Variants in PKHD1 observed in about 807,000 individuals in gnomAD.
PKHD1 encodes the protein PKHD1 ciliary IPT domain containing fibrocystin/polyductin.
PKHD1 carries 291 observed loss-of-function variants against 412.0 expected under a neutral mutation model. The observed-to-expected ratio is 0.71, with a 90% CI of 0.64 to 0.78. The LOEUF (loss-of-function observed/expected upper bound fraction) is 0.78, where lower values mean the gene tolerates loss of function less well. Ranked by LOEUF, PKHD1 falls within the 30% of genes least tolerant of loss-of-function variation. PKHD1 has a pLI of 0.00. For synonymous variants in PKHD1, 1,777 were observed against 1,821.5 expected, an observed-to-expected ratio of 0.98 and a Z score of 0.62; for missense variants, 4,825 against 4,950.7, an observed-to-expected ratio of 0.97 and a Z score of 0.76.
intron 8 of PKHD1, among the ~76,000 whole-genome samples, chr6:52,071,356 T>C (rs974642130): frequency 6.6e-6 from 1 of 151,836 alleles, no homozygotes. Context: ...ATGACAAGTA[T>C]AACAAAACCT....
chr6:52,079,779 T>G, intron 5 of PKHD1, 121 bp downstream of exon 5: 1 of 768,502 alleles, frequency 1.3e-6, no homozygotes, highest in Non-Finnish European at 2.4e-6. Flanking sequence ...GTCATTACCA[T>G]CCACCATTTT....
chr6:51,739,491 A>G (rs1784291695), intron 60 of PKHD1, among the ~76,000 whole-genome samples: 1 of 152,118 alleles, frequency 6.6e-6, no homozygotes, highest in Non-Finnish European at 1.5e-5. Flanking sequence ...TCAGCCTCCC[A>G]AAGTGCTAGG....
intron 61 of PKHD1, among the ~76,000 whole-genome samples, chr6:51,657,058 A>G (rs1194279912): frequency 6.6e-6 from 1 of 151,842 alleles, no homozygotes; most frequent in Non-Finnish European, 1.5e-5. Context: ...AATTAACGAG[A>G]GCAAACCACT....
intron 52 of PKHD1, 56 bp downstream of exon 52, chr6:51,830,805 C>T: frequency 3.3e-6 from 5 of 1,514,370 alleles, no homozygotes; most frequent in Non-Finnish European, 4.6e-6. Flanking sequence ...GAAACATAAT[C>T]AGATCTGGCT....
At chr6:51,661,980 T>C (rs1430649246) in intron 60 of PKHD1, among the ~76,000 whole-genome samples, 1 of 152,184 alleles carries the variant, frequency 6.6e-6, no homozygotes, top group South Asian at 2.1e-4. Flanking sequence ...TAAATTTAAC[T>C]ACCAAATTGT....
intron 57 of PKHD1, among the ~76,000 whole-genome samples, chr6:51,752,479 C>T (rs76357250): frequency 0.047 from 7,112 of 152,242 alleles, 223 homozygotes; most frequent in Middle Eastern, 0.11. Flanking sequence ...CAAACACTGC[C>T]CTTTACAAAA....
At chr6:51,620,325 C>T (rs1304332899) in intron 66 of PKHD1, among the ~76,000 whole-genome samples, 3 of 152,084 alleles carry the variant, frequency 2.0e-5, no homozygotes, top group African/African-American at 4.8e-5. Context: ...TATACATAAA[C>T]AGATGATCTA....
At position 51,979,569 on chromosome 6, in the gene PKHD1, C is replaced by T. The variant is rs971708531; in HGVS notation, c.5752-19543G>A. ...TCTCTCTCTCCTCCTCCTCTCCCCC[C>T]AACACATAGTCACCCACACATACAG... is the stretch of plus-strand genomic sequence containing the variant. On this transcript the variant is annotated intron_variant, in intron 35 of 66. Coordinates refer to ENST00000371117, the MANE Select transcript of PKHD1 (RefSeq NM_138694.4). 5.3e-5 allele frequency among the ~76,000 whole-genome samples: 8 copies of T among 151,884 alleles called. No homozygotes were observed. The East Asian group carries it at 7.7e-4, about 15-fold the overall frequency.
At chr6:51,935,914 A>G (rs960984902) in intron 36 of PKHD1, among the ~76,000 whole-genome samples, 1 of 152,170 alleles carries the variant, frequency 6.6e-6, no homozygotes, top group African/African-American at 2.4e-5. Context: ...TACTATTCAA[A>G]TGTTAACTTC....
intron 61 of PKHD1, 98 bp from the exon 62 acceptor site, chr6:51,649,318 G>T (rs1770563957): frequency 2.2e-6 from 2 of 907,570 alleles, no homozygotes; most frequent in Admixed American, 3.6e-5. Flanking sequence ...GAAAATATTT[G>T]CATTTGCCTG....
chr6:51,910,264 TC>T (rs2127656332), intron 39 of PKHD1, among the ~76,000 whole-genome samples: 1 of 152,158 alleles, frequency 6.6e-6, no homozygotes, highest in South Asian at 2.1e-4. Context: ...GAATAAATCA[TC>T]TCTCCAATGG....
rs116699409 is a variant in PKHD1 at position 52,002,713 on chromosome 6, G to C, written c.5751+7596C>G. On this transcript the variant is annotated intron_variant, in intron 35 of 66. Transcript: ENST00000371117. ...GAAGGAGAAGACAAGGAGGGAAGGG[G>C]AGGGAAGACAAAAGGGACAAAATTG... 4.9e-3 allele frequency among the ~76,000 whole-genome samples: 749 copies of C among 152,306 alleles called. 7 individuals are homozygous for C. The highest frequency in any genetic ancestry group is 0.017 in the African/African-American group (694 of 41,562).
intron 21 of PKHD1, among the ~76,000 whole-genome samples, chr6:52,051,273 G>A (rs1806806121): frequency 6.6e-6 from 1 of 152,174 alleles, no homozygotes; most frequent in Admixed American, 6.5e-5. Flanking sequence ...GGGCTTCTGA[G>A]AACTAAACGA....
intron 43 of PKHD1, among the ~76,000 whole-genome samples, chr6:51,900,824 AG>A (rs1206035649): frequency 2.2e-4 from 34 of 152,158 alleles, no homozygotes; most frequent in Admixed American, 1.7e-3. Flanking sequence ...CAAATTTACA[AG>A]AAAAAAACAA....
chr6:52,083,042 T>C (rs1270990711), intron 3 of PKHD1, 136 bp downstream of exon 3: 15 of 703,974 alleles, frequency 2.1e-5, no homozygotes, highest in Non-Finnish European at 3.9e-5. Context: ...AAGACAGAAG[T>C]TGGTCAGTCT....
At chr6:51,743,007 C>T (rs189366415) in intron 60 of PKHD1, among the ~76,000 whole-genome samples, 2 of 151,974 alleles carry the variant, frequency 1.3e-5, no homozygotes, top group East Asian at 1.9e-4. Flanking sequence ...CCATGTTAAA[C>T]GAAAAATAAG....
At chr6:52,062,469 G>C (rs1335126424) in intron 14 of PKHD1, 50 bp downstream of exon 14, 1 of 1,600,668 alleles carries the variant, frequency 6.2e-7, no homozygotes, top group Non-Finnish European at 8.6e-7. Context: ...GCCTCACCTA[G>C]GTTAGCAAAG....
intron 35 of PKHD1, among the ~76,000 whole-genome samples, chr6:51,981,318 T>C (rs866583724): frequency 3.6e-4 from 4 of 11,152 alleles, no homozygotes; most frequent in East Asian, 1.9e-3. Context: ...AAGCTCTCCC[T>C]CTCCCTCTCC....
Position 51,911,914 on chromosome 6 carries a change from G to A in PKHD1, c.6375C>T (p.His2125=). The change falls in exon 39 of 67, where the codon CAC becomes CAT. Residue 2125 remains histidine (H), a synonymous_variant. Transcript: ENST00000371117. ...NFTENWVAGE[H]HILKATVALL... ...GAGCCACAGTGGCCTTTAAAATATGGTGCTCTCCAGCCACCCAATTCTCTG... is the reference window on the plus strand; with the variant it reads ...GAGCCACAGTGGCCTTTAAAATATGATGCTCTCCAGCCACCCAATTCTCTG... 1.9e-6 allele frequency: 3 copies of A among 1,611,904 alleles called. No homozygotes were observed. The highest frequency in any genetic ancestry group is 2.5e-6 in the Non-Finnish European group (3 of 1,178,518).
Sources: gnomAD v4.1 joint callset for allele counts (sites outside exome capture counted in the v4.1 genomes callset) on GRCh38, gnomAD v4.1.1 for gene constraint, MANE v1.5 for transcripts, NCBI Gene and HGNC (gene_info 2026-07-23, HGNC 2026-07-21) for gene names.